Variants in ITGB5 observed in about 807,000 individuals in gnomAD.
ITGB5 encodes the protein integrin subunit beta 5.
Under a neutral mutation model 84.8 loss-of-function variants are expected in ITGB5, and 38 were observed. The ratio of observed to expected loss-of-function variants is 0.45; its 90% CI spans 0.35 to 0.59. ITGB5 has a LOEUF of 0.59. Ranked by LOEUF, ITGB5 falls within the 20% of genes least tolerant of loss-of-function variation. The probability of loss-of-function intolerance (pLI) is 0.01; values close to 1 mark genes in which losing one functional copy is unlikely to be tolerated. For synonymous variants in ITGB5, 393 were observed against 414.4 expected, an observed-to-expected ratio of 0.95 and a Z score of 0.63; for missense variants, 905 against 1,034.5, an observed-to-expected ratio of 0.87 and a Z score of 1.72.
chr3:124,887,297 C>G lies in ITGB5; in HGVS notation c.-297G>C, dbSNP rs1934871917. 1 of 153,746 alleles carries G rather than the reference C, an allele frequency of 6.5e-6. No homozygotes were observed. Among genetic ancestry groups the G allele is most frequent in the Admixed American group, 6.5e-5 (1 of 15,276 alleles). The allele number at this position is 153,746 out of a possible 1,614,324, so 9.5% of individuals were successfully genotyped here. A position where few individuals can be genotyped will look rare whatever the true frequency, so the allele number is the denominator to read the frequency against. ...CCGGGTAGGGGAGGGGCTGGCTCCGCTCGGCGGCCGCGACTTGGGCTCCGA... is the reference window on the plus strand; with the variant it reads ...CCGGGTAGGGGAGGGGCTGGCTCCGGTCGGCGGCCGCGACTTGGGCTCCGA... On this transcript the variant is annotated 5_prime_UTR_variant, in exon 1 of 15. Coordinates refer to ENST00000296181, the MANE Select transcript of ITGB5 (RefSeq NM_002213.5).
chr3:124,777,017 G>A (rs1385363914), intron 10 of ITGB5, among the ~76,000 whole-genome samples: 1 of 152,200 alleles, frequency 6.6e-6, no homozygotes, highest in East Asian at 1.9e-4. Context: ...GGGCAGGGAA[G>A]CCTAGCTGCT....
chr3:124,795,587 G>T (rs965292404), intron 10 of ITGB5, among the ~76,000 whole-genome samples: 1 of 152,202 alleles, frequency 6.6e-6, no homozygotes, highest in Non-Finnish European at 1.5e-5. Flanking sequence ...GCCTTACGTG[G>T]TGAAAGGGAC....
At chr3:124,809,499 C>T (rs188044945) in intron 8 of ITGB5, 253 of 227,464 alleles carry the variant, frequency 1.1e-3, no homozygotes, top group Non-Finnish European at 1.8e-3. Context: ...GCTTCAGACA[C>T]GCAGTTCCTC....
chr3:124,779,621 A>T (rs1184741036), intron 10 of ITGB5, among the ~76,000 whole-genome samples: 1 of 152,222 alleles, frequency 6.6e-6, no homozygotes, highest in African/African-American at 2.4e-5. Flanking sequence ...TTCTGGAATC[A>T]GGCTGCCCGG....
intron 10 of ITGB5, among the ~76,000 whole-genome samples, chr3:124,776,424 A>AC (rs924211325): frequency 1.8e-4 from 28 of 151,876 alleles, no homozygotes; most frequent in East Asian, 7.7e-4. Context: ...ATTATTCCCC[A>AC]CCCCCCCAAC....
Position 124,873,527 on chromosome 3 carries a change from G to A in ITGB5, c.75C>T (p.Leu25=). 1 of 1,611,728 alleles carries A rather than the reference G, an allele frequency of 6.2e-7. No individual in the cohort carries two copies. The highest frequency in any genetic ancestry group is 8.5e-7 in the Non-Finnish European group (1 of 1,177,974). Residue 25 remains leucine (L), a synonymous_variant, in exon 2 of 15, where the codon CTC becomes CTT. Transcript: ENST00000296181. ...LCALLPRLAG[L]NICTSGSATS... ...TGGCACTTCCACTAGTGCATATGTT[G>A]AGACCTTTAAAGCAAGATAAAGATG...
rs1302259766 is a variant in ITGB5 at position 124,796,502 on chromosome 3, C to A, written c.1579G>T (p.Asp527Tyr). 1.9e-6 allele frequency: 3 copies of A among 1,614,092 alleles called. No homozygotes were observed. The highest frequency in any genetic ancestry group is 2.5e-6 in the Non-Finnish European group (3 of 1,179,986). Reference protein sequence around the residue: ...EGKPLCSGRGDCSCNQCSCFE... With the variant: ...EGKPLCSGRGYCSCNQCSCFE... ...CAGGAGCACTGGTTGCAGCTGCAGT[C>A]CCCACGCCCGCTGCACAGTGGCTTG... The change falls in exon 10 of 15, where the codon GAC (aspartate) becomes TAC (tyrosine). Residue 527 changes from aspartate to tyrosine, a missense_variant. This residue lies in a region of ITGB5 where 656 missense variants were observed against 734.7 expected (regional missense o/e 0.89). Coordinates refer to ENST00000296181, the MANE Select transcript of ITGB5 (RefSeq NM_002213.5).
chr3:124,820,520 C>G (rs1231837936), intron 6 of ITGB5, among the ~76,000 whole-genome samples: 1 of 152,082 alleles, frequency 6.6e-6, no homozygotes, highest in African/African-American at 2.4e-5. Flanking sequence ...TTTTCAGATT[C>G]CATTATTCTT....
At chr3:124,862,130 G>C (rs3772860) in intron 2 of ITGB5, 1 of 152,348 alleles carries the variant, frequency 6.6e-6, no homozygotes, top group East Asian at 1.9e-4. Flanking sequence ...TCTCACTGGC[G>C]AACTGAGCCT....
rs1479917044 is a variant in ITGB5 at position 124,859,873 on chromosome 3, AAG to A, written c.157-429_157-428del. ...TGAGGTGGGAGGATCGCTTGAGATCAAGAGTTTGAGACCAGCCTGGGCAACAT... is the reference window on the plus strand; with the variant it reads ...TGAGGTGGGAGGATCGCTTGAGATCAAGTTTGAGACCAGCCTGGGCAACAT... On this transcript the variant is annotated intron_variant, in intron 2 of 14. Transcript: ENST00000296181. Among the ~76,000 whole-genome samples the A allele has an allele frequency of 2.0e-5, 3 of 152,146 alleles. No individual in the cohort carries two copies. The East Asian group carries it at 5.8e-4, about 29-fold the overall frequency.
intron 5 of ITGB5, among the ~76,000 whole-genome samples, chr3:124,821,938 G>A (rs1217061980): frequency 6.6e-6 from 1 of 152,144 alleles, no homozygotes; most frequent in Admixed American, 6.5e-5. Context: ...CCCCCCATTA[G>A]ACCTGAGTCA....
intron 9 of ITGB5, among the ~76,000 whole-genome samples, chr3:124,802,237 T>C (rs1452109925): frequency 6.6e-6 from 1 of 152,202 alleles, no homozygotes; most frequent in Non-Finnish European, 1.5e-5. Flanking sequence ...ACTTACTGAG[T>C]ACGAGTGGAT....
intron 10 of ITGB5, among the ~76,000 whole-genome samples, chr3:124,785,584 CA>C (rs11372347): frequency 0.23 from 22,133 of 94,872 alleles, 1,650 homozygotes; most frequent in Admixed American, 0.35. Flanking sequence ...GACTCCATCT[CA>C]AAAAAAAAAA....
At chr3:124,770,164 T>TG (rs1355886452) in intron 11 of ITGB5, 2 of 152,122 alleles carry the variant, frequency 1.3e-5, no homozygotes, top group Non-Finnish European at 2.9e-5. Context: ...CTCTGGTGGC[T>TG]GGGGGATGGG....
chr3:124,821,679 G>GA (rs2064706162), intron 5 of ITGB5, among the ~76,000 whole-genome samples: 3 of 152,200 alleles, frequency 2.0e-5, no homozygotes, highest in African/African-American at 7.2e-5. Context: ...GGGAAGCCCA[G>GA]ATGCACACAG....
chr3:124,809,131 G>T lies in ITGB5; in HGVS notation c.1154C>A (p.Ser385Ter). The change falls in exon 9 of 15, where the codon TCA becomes TAA. Residue 385 changes from serine (S) to a stop codon, truncating the protein, a stop_gained. Coordinates refer to ENST00000296181, the MANE Select transcript of ITGB5 (RefSeq NM_002213.5). LOFTEE classifies it high-confidence loss of function. ...AAGATCCTCAGGCTGATCCCAGACT[G>T]ACAACTCCACTTTAGACCGGATACT... ...YNSIRSKVEL[S>*]VWDQPEDLNL... 6.2e-7 allele frequency: 1 copy of T among 1,614,070 alleles called. No individual in the cohort carries two copies. Among genetic ancestry groups the T allele is most frequent in the South Asian group, 1.1e-5 (1 of 91,068 alleles).
intron 10 of ITGB5, among the ~76,000 whole-genome samples, chr3:124,779,421 C>T (rs2063970650): frequency 6.6e-6 from 1 of 152,110 alleles, no homozygotes; most frequent in African/African-American, 2.4e-5. Flanking sequence ...ACCAGCCTCC[C>T]CAACCTCCCC....
At chr3:124,864,650 A>T (rs2065359308) in intron 2 of ITGB5, among the ~76,000 whole-genome samples, 1 of 152,148 alleles carries the variant, frequency 6.6e-6, no homozygotes, top group Admixed American at 6.5e-5. Context: ...TTATGGGTCG[A>T]AAAACTACTT....
intron 2 of ITGB5, among the ~76,000 whole-genome samples, chr3:124,866,065 G>A (rs1041311489): frequency 2.0e-5 from 3 of 151,682 alleles, no homozygotes; most frequent in Non-Finnish European, 4.4e-5. Context: ...GTATGATCTC[G>A]GCTCACTGCA....
Sources: gnomAD v4.1 joint callset for allele counts (sites outside exome capture counted in the v4.1 genomes callset) on GRCh38, gnomAD v4.1.1 for gene constraint, gnomAD v4.1.1 regional missense constraint, MANE v1.5 for transcripts, NCBI Gene and HGNC (gene_info 2026-07-23, HGNC 2026-07-21) for gene names.